The following LMO7 variants were observed in gnomAD, a reference collection of about 807,000 sequenced individuals.
LMO7 encodes the protein LIM domain 7.
Under a neutral mutation model 206.5 loss-of-function variants are expected in LMO7, and 120 were observed. That is an observed-to-expected ratio of 0.58 (90% CI 0.50 to 0.68). The LOEUF is 0.68. Ranked by LOEUF, LMO7 falls within the 30% of genes least tolerant of loss-of-function variation. LMO7 has a pLI of 0.00. For missense variants in LMO7, 1,959 were observed against 1,957.9 expected (o/e 1.00, Z -0.01); for synonymous variants, 706 against 681.5 (o/e 1.04, Z -0.56).
At chr13:75,758,562 T>C (rs1428238409) in intron 3 of LMO7, among the ~76,000 whole-genome samples, 1 of 152,230 alleles carries the variant, frequency 6.6e-6, no homozygotes, top group Non-Finnish European at 1.5e-5. Context: ...TATTTAAGGC[T>C]AGAATTTAGC....
At chr13:75,634,795 G>T (rs934272768), upstream of LMO7, among the ~76,000 whole-genome samples, 1 of 150,778 alleles carries the variant, frequency 6.6e-6, no homozygotes, top group Non-Finnish European at 1.5e-5. Flanking sequence ...GATCACCTGA[G>T]GTCAGTTCGA....
At position 75,681,718 on chromosome 13, in the gene LMO7, G is replaced by GTATATATATATATATA. The variant is rs71127572; in HGVS notation, c.70-31448_70-31433dup. Among the ~76,000 whole-genome samples the GTATATATATATATATA allele has an allele frequency of 9.3e-3, 969 of 104,042 alleles. 28 individuals carry two copies. The highest frequency in any genetic ancestry group is 0.014 in the East Asian group (51 of 3,692). The allele number at this position is 104,042 out of a possible 152,430, so 68.3% of individuals were successfully genotyped here. A position where few individuals can be genotyped will look rare whatever the true frequency, so the allele number is the denominator to read the frequency against. ...TATGTATGTATGTGTATATATATATGTATATATATATATATATATATATAT... is the reference window on the plus strand; with the variant it reads ...TATGTATGTATGTGTATATATATATGTATATATATATATATATATATATATATATATATATATATAT... On this transcript the variant is annotated intron_variant, in intron 1 of 30. Transcript: ENST00000377534.
chr13:75,753,594 GGGTT>G (rs2047446931), intron 3 of LMO7, among the ~76,000 whole-genome samples: 1 of 152,116 alleles, frequency 6.6e-6, no homozygotes, highest in South Asian at 2.1e-4. Flanking sequence ...TGAATCATGG[GGGTT>G]GTTTCCCCCA....
At chr13:75,816,508 G>A (rs1028627174) in intron 11 of LMO7, among the ~76,000 whole-genome samples, 8 of 152,200 alleles carry the variant, frequency 5.3e-5, no homozygotes, top group African/African-American at 1.4e-4. Context: ...CTCTTCCAAA[G>A]CTTAACCTCA....
chr13:75,621,952 A>G, intron 1 of LMO7: 1 of 966,402 alleles, frequency 1.0e-6, no homozygotes, highest in Non-Finnish European at 1.4e-6. Flanking sequence ...TTCTTTAGGA[A>G]CACATGTAGG....
intron 27 of LMO7, 56 bp from the exon 28 acceptor site, chr13:75,853,032 TTAAA>T (rs2060619408): frequency 3.7e-6 from 5 of 1,337,190 alleles, no homozygotes; most frequent in South Asian, 2.8e-5. Flanking sequence ...GAATGATGAA[TTAAA>T]TAGATTTCTA....
intron 1 of LMO7, among the ~76,000 whole-genome samples, chr13:75,653,195 A>C (rs140922599): frequency 2.0e-5 from 3 of 152,352 alleles, no homozygotes; most frequent in Admixed American, 1.3e-4. Flanking sequence ...GAAAGTTAAC[A>C]TACTTGCATA....
chr13:75,624,766 A>G (rs1369351175), intron 2 of LMO7, among the ~76,000 whole-genome samples: 1 of 152,196 alleles, frequency 6.6e-6, no homozygotes, highest in African/African-American at 2.4e-5. Flanking sequence ...ACAGCACAAG[A>G]AAGACCCACT....
At chr13:75,766,264 G>T (rs1323157933) in intron 4 of LMO7, among the ~76,000 whole-genome samples, 2 of 127,254 alleles carry the variant, frequency 1.6e-5, no homozygotes, top group African/African-American at 3.0e-5. Flanking sequence ...TTTTATGTGA[G>T]CTTTACCAGT....
At chr13:75,804,172 G>A (rs1442230072) in intron 7 of LMO7, 117 bp from the exon 8 acceptor site, 1 of 1,008,966 alleles carries the variant, frequency 9.9e-7, no homozygotes, top group Non-Finnish European at 1.5e-6. Context: ...AATATTCCCT[G>A]CAGTTAGCAG....
intron 26 of LMO7, chr13:75,848,862 T>G (rs1566613399): frequency 2.0e-6 from 1 of 488,994 alleles, no homozygotes; most frequent in Non-Finnish European, 3.7e-6. Context: ...TGTACTAGTT[T>G]ACATTCCCAC....
At chr13:75,762,665 C>T (rs682496) in intron 4 of LMO7, among the ~76,000 whole-genome samples, 2,526 of 152,158 alleles carry the variant, frequency 0.017, 73 homozygotes, top group African/African-American at 0.058. Flanking sequence ...ACTGAAACTG[C>T]GAGGTCACGT....
At chr13:75,711,262 T>G (rs2043093950) in intron 1 of LMO7, among the ~76,000 whole-genome samples, 1 of 151,962 alleles carries the variant, frequency 6.6e-6, no homozygotes, top group South Asian at 2.1e-4. Flanking sequence ...AAAATTCTCT[T>G]TTTTGGTTGT....
intron 1 of LMO7, among the ~76,000 whole-genome samples, chr13:75,665,340 A>G (rs9600521): frequency 0.23 from 34,959 of 151,856 alleles, 4,485 homozygotes; most frequent in Admixed American, 0.36. Flanking sequence ...TTTCTATAGT[A>G]TACTTATTTT....
chr13:75,707,794 TATC>T (rs1441250908), intron 1 of LMO7, among the ~76,000 whole-genome samples: 12 of 152,048 alleles, frequency 7.9e-5, no homozygotes, highest in Non-Finnish European at 1.6e-4. Context: ...TTTGGTCTTT[TATC>T]ATCATTATTT....
intron 3 of LMO7, among the ~76,000 whole-genome samples, chr13:75,732,965 T>A (rs1196573960): frequency 6.6e-6 from 1 of 152,152 alleles, no homozygotes; most frequent in African/African-American, 2.4e-5. Flanking sequence ...AATGCTGCTG[T>A]CTGATCGTTC....
At chr13:75,824,802 GTTATA>G (rs2057953744) in intron 15 of LMO7, among the ~76,000 whole-genome samples, 1 of 151,712 alleles carries the variant, frequency 6.6e-6, no homozygotes, top group African/African-American at 2.4e-5. Context: ...CTTGTCCTAA[GTTATA>G]TTAGTATTAG....
chr13:75,858,025 A>C lies in LMO7; in HGVS notation c.*82A>C. ...ATGTAGATCTATAAATATGTGTTGTATGTCTTTTTTGCTTTTTTTTTAAAA... is the reference window on the plus strand; with the variant it reads ...ATGTAGATCTATAAATATGTGTTGTCTGTCTTTTTTGCTTTTTTTTTAAAA... On this transcript the variant is annotated 3_prime_UTR_variant, in exon 31 of 31. Coordinates refer to ENST00000377534, the MANE Select transcript of LMO7 (RefSeq NM_001306080.2). The C allele has an allele frequency of 6.5e-7, 1 of 1,540,756 alleles. No individual in the cohort carries two copies. Among genetic ancestry groups the C allele is most frequent in the Non-Finnish European group, 8.8e-7 (1 of 1,136,880 alleles).
chr13:75,697,320 G>T (rs2041977359), intron 1 of LMO7, among the ~76,000 whole-genome samples: 1 of 152,184 alleles, frequency 6.6e-6, no homozygotes, highest in African/African-American at 2.4e-5. Context: ...AAGGAAAGAG[G>T]TTTAATGGAC....
Sources: gnomAD v4.1 joint callset for allele counts (sites outside exome capture counted in the v4.1 genomes callset) on GRCh38, gnomAD v4.1.1 for gene constraint, MANE v1.5 for transcripts, NCBI Gene and HGNC (gene_info 2026-07-23, HGNC 2026-07-21) for gene names.